The following ALPK1 variants were observed in gnomAD, a reference collection of about 807,000 sequenced individuals.
The protein encoded by ALPK1 is alpha kinase 1.
Under a neutral mutation model 120.6 loss-of-function variants are expected in ALPK1, and 110 were observed. The ratio of observed to expected loss-of-function variants is 0.91; its 90% CI spans 0.78 to 1.07. The LOEUF is 1.07. Among genes scored for constraint, ALPK1 ranks in the 50% least tolerant of loss-of-function variants. The probability of loss-of-function intolerance (pLI) is 0.00; values close to 1 mark genes in which losing one functional copy is unlikely to be tolerated. For synonymous variants in ALPK1, 582 were observed against 560.3 expected, an observed-to-expected ratio of 1.04 and a Z score of -0.55; for missense variants, 1,498 against 1,483.9, an observed-to-expected ratio of 1.01 and a Z score of -0.16.
At chr4:112,323,151 A>C (rs1349399604) in intron 2 of ALPK1, among the ~76,000 whole-genome samples, 5 of 152,156 alleles carry the variant, frequency 3.3e-5, no homozygotes, top group African/African-American at 1.2e-4. Context: ...TGCTCCTCAG[A>C]GCCTACCCCT....
At chr4:112,360,919 A>T (rs1426058259) in intron 2 of ALPK1, among the ~76,000 whole-genome samples, 1 of 152,182 alleles carries the variant, frequency 6.6e-6, no homozygotes, top group Non-Finnish European at 1.5e-5. Flanking sequence ...TGGCTTCATT[A>T]TGATATTTTT....
Position 112,397,587 on chromosome 4 carries a change from C to A in ALPK1, c.277-14240C>A, listed in dbSNP as rs576802592. 7.2e-5 allele frequency among the ~76,000 whole-genome samples: 11 copies of A among 152,336 alleles called. No homozygotes were observed. The East Asian group carries it at 2.1e-3, about 29-fold the overall frequency. On this transcript the variant is annotated intron_variant, in intron 4 of 15. Transcript: ENST00000650871. ...AAGAGCTTAGGGGCCAGACCCCTAACCTGTCTCAGTAGCTCTCCTATTATA... is the reference window on the plus strand; with the variant it reads ...AAGAGCTTAGGGGCCAGACCCCTAAACTGTCTCAGTAGCTCTCCTATTATA...
chr4:112,314,465 T>C (rs1302179116), intron 1 of ALPK1, among the ~76,000 whole-genome samples: 1 of 152,138 alleles, frequency 6.6e-6, no homozygotes, highest in Non-Finnish European at 1.5e-5. Context: ...TGATTGATGA[T>C]AACAAAATTT....
intron 6 of ALPK1, among the ~76,000 whole-genome samples, chr4:112,424,648 CT>C (rs1734154019): frequency 6.6e-6 from 1 of 152,152 alleles, no homozygotes; most frequent in African/African-American, 2.4e-5. Context: ...AGGTCTCAAA[CT>C]GCCTGAAACT....
chr4:112,336,828 C>A (rs929001447), intron 2 of ALPK1, among the ~76,000 whole-genome samples: 24 of 152,144 alleles, frequency 1.6e-4, no homozygotes, highest in African/African-American at 5.8e-4. Context: ...TACACATTTC[C>A]AAAGAATTTG....
At chr4:112,323,136 A>G (rs1728934226) in intron 2 of ALPK1, among the ~76,000 whole-genome samples, 1 of 151,934 alleles carries the variant, frequency 6.6e-6, no homozygotes, top group Non-Finnish European at 1.5e-5. Flanking sequence ...ACTGCCATCC[A>G]CCCCTGCTCC....
chr4:112,389,556 T>A (rs757575668), intron 4 of ALPK1, among the ~76,000 whole-genome samples: 1 of 152,198 alleles, frequency 6.6e-6, no homozygotes, highest in African/African-American at 2.4e-5. Context: ...GTCCCCTAGA[T>A]AAGATAGCAA....
intron 2 of ALPK1, among the ~76,000 whole-genome samples, chr4:112,334,580 ATTTTAAGGTGGTTTTAAAG>A (rs1177134755): frequency 3.3e-5 from 5 of 152,178 alleles, no homozygotes; most frequent in South Asian, 4.1e-4. Flanking sequence ...GGGATATCAA[ATTTTAAGGTGGTTTTAAAG>A]TTTTAAGGTG....
intron 2 of ALPK1, among the ~76,000 whole-genome samples, chr4:112,321,722 A>G (rs192118851): frequency 1.2e-4 from 18 of 152,308 alleles, no homozygotes; most frequent in African/African-American, 3.1e-4. Context: ...GAGTTTTTTC[A>G]TAAGACAAAA....
chr4:112,412,328 T>A (rs778786604), intron 5 of ALPK1: 19 of 554,548 alleles, frequency 3.4e-5, no homozygotes, highest in Middle Eastern at 2.7e-4. Flanking sequence ...AACAGGGGTA[T>A]CTGAATTGCT....
At chr4:112,438,398 CAT>C (rs1184304691) in intron 12 of ALPK1, 84 bp from the exon 13 acceptor site, 45 of 1,228,810 alleles carry the variant, frequency 3.7e-5, no homozygotes, top group Non-Finnish European at 4.7e-5. Flanking sequence ...AGCATTTCTG[CAT>C]ATGTCTTTTG....
Position 112,377,836 on chromosome 4 carries a change from A to T in ALPK1, c.59A>T (p.Gln20Leu), listed in dbSNP as rs1320486043. 1 of 1,613,750 alleles carries T rather than the reference A, an allele frequency of 6.2e-7. No homozygotes were observed. The highest frequency in any genetic ancestry group is 8.5e-7 in the Non-Finnish European group (1 of 1,179,762). ...CAAGAGTGCAAGCAAGTGCTGGATC[A>T]GCTCTTGTTGGAAGCGCCAGATGTG... is the stretch of plus-strand genomic sequence containing the variant. ...LLQECKQVLD[Q>L]LLLEAPDVSE... Residue 20 changes from glutamine to leucine, a missense_variant, in exon 3 of 16, where the codon CAG becomes CTG. Coordinates refer to ENST00000650871, the MANE Select transcript of ALPK1 (RefSeq NM_025144.4).
intron 2 of ALPK1, chr4:112,352,739 G>A (rs186416950): frequency 5.3e-5 from 8 of 152,174 alleles, no homozygotes; most frequent in African/African-American, 1.7e-4. Flanking sequence ...TATATTGTTT[G>A]GTTATAATGT....
chr4:112,439,628 G>C, intron 13 of ALPK1, 58 bp from the exon 14 acceptor site: 1 of 1,469,724 alleles, frequency 6.8e-7, no homozygotes, highest in Non-Finnish European at 9.1e-7. Context: ...ATTTACCCAA[G>C]TCCAAAGACA....
chr4:112,438,132 G>A (rs1734866260), intron 12 of ALPK1, among the ~76,000 whole-genome samples: 1 of 152,196 alleles, frequency 6.6e-6, no homozygotes, highest in African/African-American at 2.4e-5. Context: ...ACTATATAAG[G>A]CCACACTGCA....
At chr4:112,416,380 T>C (rs1560678085) in intron 5 of ALPK1, among the ~76,000 whole-genome samples, 1 of 151,892 alleles carries the variant, frequency 6.6e-6, no homozygotes, top group Non-Finnish European at 1.5e-5. Flanking sequence ...GGGAGAAAAT[T>C]ATGGAACTGG....
At chr4:112,391,740 A>G (rs1732428253) in intron 4 of ALPK1, among the ~76,000 whole-genome samples, 1 of 152,226 alleles carries the variant, frequency 6.6e-6, no homozygotes, top group Non-Finnish European at 1.5e-5. Context: ...CTCCTGTTAG[A>G]GCATGGCCCC....
chr4:112,363,379 G>A (rs1358683419), intron 2 of ALPK1, among the ~76,000 whole-genome samples: 5 of 152,066 alleles, frequency 3.3e-5, no homozygotes, highest in Admixed American at 3.3e-4. Context: ...GCATGCAAAT[G>A]GACACCAAAA....
intron 2 of ALPK1, among the ~76,000 whole-genome samples, chr4:112,318,492 T>A (rs1368512201): frequency 6.6e-6 from 1 of 152,252 alleles, no homozygotes; most frequent in Non-Finnish European, 1.5e-5. Context: ...CATATCCTTT[T>A]CACTTCTCCA....
Sources: allele counts gnomAD v4.1 joint callset (sites outside exome capture counted in the v4.1 genomes callset), GRCh38; gene constraint gnomAD v4.1.1; transcripts MANE v1.5; gene names NCBI Gene and HGNC (gene_info 2026-07-23, HGNC 2026-07-21).